Variants in ST6GAL2 observed in about 807,000 individuals in gnomAD.
The protein encoded by ST6GAL2 is beta-galactoside alpha-2,6-sialyltransferase 2.
ST6GAL2 carries 24 observed loss-of-function variants against 37.5 expected under a neutral mutation model. The observed-to-expected ratio is 0.64, with a 90% CI of 0.46 to 0.90. The LOEUF (loss-of-function observed/expected upper bound fraction) is 0.90, where lower values mean the gene tolerates loss of function less well. Among genes scored for constraint, ST6GAL2 ranks in the 40% least tolerant of loss-of-function variants. The pLI is 0.00. For synonymous variants in ST6GAL2, 306 were observed against 295.1 expected (o/e 1.04, Z -0.38); for missense variants, 715 against 712.7 (o/e 1.00, Z -0.04).
chr2:106,867,964 G>C (rs998330383), intron 1 of ST6GAL2, among the ~76,000 whole-genome samples: 1 of 152,066 alleles, frequency 6.6e-6, no homozygotes, highest in Non-Finnish European at 1.5e-5. Flanking sequence ...AAAGAATAAG[G>C]TATTATTATA....
chr2:106,887,051 G>C (rs545327490), upstream of ST6GAL2: 2 of 152,648 alleles, frequency 1.3e-5, no homozygotes, highest in Non-Finnish European at 2.9e-5. Flanking sequence ...AGGAATGCAG[G>C]AATGCGCACA....
rs1675406293 is a variant in ST6GAL2 at position 106,806,112 on chromosome 2, G to T, written c.*566C>A. 6.5e-6 allele frequency: 1 copy of T among 152,884 alleles called. No homozygotes were observed. Among genetic ancestry groups the T allele is most frequent in the African/African-American group, 2.4e-5 (1 of 41,450 alleles). 9.5% of individuals were successfully genotyped at this position (152,884 alleles called of 1,614,324 possible). A position where few individuals can be genotyped will look rare whatever the true frequency, so the allele number is the denominator to read the frequency against. On this transcript the variant is annotated 3_prime_UTR_variant, in exon 6 of 6. Coordinates refer to ENST00000409382, the MANE Select transcript of ST6GAL2 (RefSeq NM_001142351.2). ...CATTCAGTGGGCAATGGGAGGCAGA[G>T]ATGAAGAATGCAACGGTTGGAAATA... is the stretch of plus-strand genomic sequence containing the variant.
intron 2 of ST6GAL2, among the ~76,000 whole-genome samples, chr2:106,838,807 G>A (rs1676749987): frequency 2.0e-5 from 3 of 152,250 alleles, no homozygotes; most frequent in East Asian, 1.9e-4. Flanking sequence ...AGGCCGAGGC[G>A]AGCAGATCAC....
At chr2:106,867,061 GA>G (rs1350774543) in intron 1 of ST6GAL2, among the ~76,000 whole-genome samples, 3 of 152,180 alleles carry the variant, frequency 2.0e-5, no homozygotes, top group Non-Finnish European at 2.9e-5. Context: ...GCAAGGAAGA[GA>G]AGGGAAAGGA....
At chr2:106,849,057 C>G (rs1374065491) in intron 1 of ST6GAL2, among the ~76,000 whole-genome samples, 2 of 152,166 alleles carry the variant, frequency 1.3e-5, no homozygotes, top group Non-Finnish European at 2.9e-5. Context: ...ATAATCGAAA[C>G]TTTAACTTCT....
chr2:106,857,343 C>G (rs1243416704), intron 1 of ST6GAL2, among the ~76,000 whole-genome samples: 2 of 152,112 alleles, frequency 1.3e-5, no homozygotes, highest in Admixed American at 1.3e-4. Context: ...TGGCTCATGC[C>G]TGTAATCCCA....
rs373744307 is a variant in ST6GAL2, at chr2:106,872,331, T to C, written c.-58+13762A>G. Among the ~76,000 whole-genome samples, 144 of 152,344 alleles carry C rather than the reference T, an allele frequency of 9.5e-4. 1 individual carries two copies. The highest frequency in any genetic ancestry group is 3.3e-3 in the African/African-American group (136 of 41,584). ...AGGGCCAAACCTGAGTTTGTGCTTATGTTGTGGAAATCAGGAACAGCCTCA... is the reference window on the plus strand; with the variant it reads ...AGGGCCAAACCTGAGTTTGTGCTTACGTTGTGGAAATCAGGAACAGCCTCA... On this transcript the variant is annotated intron_variant, in intron 1 of 5. Transcript: ENST00000409382.
At chr2:106,821,669 C>T (rs761443633) in intron 5 of ST6GAL2, among the ~76,000 whole-genome samples, 27 of 151,816 alleles carry the variant, frequency 1.8e-4, no homozygotes, top group Non-Finnish European at 2.8e-4. Context: ...CCTCATTCTA[C>T]AAGCCGTCCT....
chr2:106,845,391 GT>G (rs1240604217), intron 1 of ST6GAL2, among the ~76,000 whole-genome samples: 1 of 152,166 alleles, frequency 6.6e-6, no homozygotes, highest in Non-Finnish European at 1.5e-5. Flanking sequence ...GGCAAGTAAG[GT>G]AGAGAAGAGT....
upstream of ST6GAL2, among the ~76,000 whole-genome samples, chr2:106,886,821 G>A (rs1315052368): frequency 6.6e-6 from 1 of 151,942 alleles, no homozygotes; most frequent in African/African-American, 2.4e-5. Context: ...AGCGCAGGCG[G>A]GGCGCTCCCT....
At chr2:106,814,896 G>A (rs1318612059) in intron 5 of ST6GAL2, among the ~76,000 whole-genome samples, 1 of 152,224 alleles carries the variant, frequency 6.6e-6, no homozygotes, top group Non-Finnish European at 1.5e-5. Context: ...AGGGATGAAA[G>A]AGAGAAATGC....
At chr2:106,811,488 C>T (rs983115256) in intron 5 of ST6GAL2, among the ~76,000 whole-genome samples, 3 of 152,006 alleles carry the variant, frequency 2.0e-5, no homozygotes, top group Admixed American at 6.6e-5. Flanking sequence ...AAGCTGACCA[C>T]GGTACTAATC....
At chr2:106,861,615 C>A (rs1677799082) in intron 1 of ST6GAL2, among the ~76,000 whole-genome samples, 1 of 151,544 alleles carries the variant, frequency 6.6e-6, no homozygotes. Context: ...TTCATTTATT[C>A]TTTCTTTTTT....
chr2:106,860,405 C>T (rs1372075172), intron 1 of ST6GAL2, among the ~76,000 whole-genome samples: 1 of 152,068 alleles, frequency 6.6e-6, no homozygotes, highest in East Asian at 1.9e-4. Context: ...AGACTTAGGG[C>T]ATAATTTCAA....
At chr2:106,867,503 C>T (rs17033424) in intron 1 of ST6GAL2, among the ~76,000 whole-genome samples, 14,625 of 152,174 alleles carry the variant, frequency 0.096, 897 homozygotes, top group Admixed American at 0.12. Context: ...GGTGGTGCAT[C>T]GGCAAAGCCT....
chr2:106,885,751 A>T (rs1678955927), intron 1 of ST6GAL2: 1 of 152,164 alleles, frequency 6.6e-6, no homozygotes. Context: ...GAGAACCAGA[A>T]ATGAACAGAA....
chr2:106,881,131 G>T (rs1678733046), intron 1 of ST6GAL2, among the ~76,000 whole-genome samples: 1 of 152,092 alleles, frequency 6.6e-6, no homozygotes, highest in Non-Finnish European at 1.5e-5. Context: ...GACTACAGGT[G>T]CATGCCCTCA....
At chr2:106,812,095 AT>A (rs1232227875) in intron 5 of ST6GAL2, among the ~76,000 whole-genome samples, 14 of 152,252 alleles carry the variant, frequency 9.2e-5, no homozygotes, top group Admixed American at 9.2e-4. Flanking sequence ...TTGGGAAGTG[AT>A]TAGGTCACGT....
At chr2:106,829,406 ATTAC>A (rs1284472031) in intron 5 of ST6GAL2, among the ~76,000 whole-genome samples, 5 of 152,320 alleles carry the variant, frequency 3.3e-5, no homozygotes, top group African/African-American at 1.2e-4. Context: ...AAGAAGTCTA[ATTAC>A]TTTGAGACCA....
Sources: allele counts gnomAD v4.1 joint callset (sites outside exome capture counted in the v4.1 genomes callset), GRCh38; gene constraint gnomAD v4.1.1; transcripts MANE v1.5; gene names NCBI Gene and HGNC (gene_info 2026-07-23, HGNC 2026-07-21).